ATE1: variants seen among roughly 807,000 people sequenced by gnomAD.
ATE1 encodes the protein arginyl-tRNA--protein transferase 1.
A neutral mutation model predicts 70.5 loss-of-function variants in ATE1; 36 were observed. That is an observed-to-expected ratio of 0.51 (90% CI 0.39 to 0.67). ATE1 has a LOEUF of 0.67. ATE1 is among the 30% of genes least tolerant of loss of function. The pLI, the probability that ATE1 is intolerant of heterozygous loss-of-function variation, is 0.00. For synonymous variants in ATE1, 232 were observed against 219.3 expected (o/e 1.06, Z -0.51); for missense variants, 593 against 629.5 (o/e 0.94, Z 0.62).
chr10:121,764,782 G>A (rs765370587), intron 11 of ATE1, among the ~76,000 whole-genome samples: 5 of 152,174 alleles, frequency 3.3e-5, no homozygotes, highest in Non-Finnish European at 5.9e-5. Context: ...TATGCTACCT[G>A]CACATTTACT....
intron 11 of ATE1, among the ~76,000 whole-genome samples, chr10:121,785,595 G>A (rs1240072865): frequency 6.6e-5 from 10 of 152,142 alleles, no homozygotes; most frequent in African/African-American, 1.9e-4. Context: ...GGGCAGAGTA[G>A]AGAGAGAAGA....
intron 7 of ATE1, among the ~76,000 whole-genome samples, chr10:121,888,663 A>G (rs1337103975): frequency 6.7e-6 from 1 of 149,644 alleles, no homozygotes; most frequent in African/African-American, 2.4e-5. Context: ...CCGTATGTTT[A>G]CCAAAAGGTA....
intron 8 of ATE1, 56 bp downstream of exon 8, chr10:121,869,950 T>C: frequency 1.4e-6 from 2 of 1,465,464 alleles, no homozygotes. Flanking sequence ...ATGAAAGATA[T>C]CAACAATGGT....
At chr10:121,916,574 G>A (rs981063679) in intron 3 of ATE1, among the ~76,000 whole-genome samples, 1 of 152,150 alleles carries the variant, frequency 6.6e-6, no homozygotes, top group African/African-American at 2.4e-5. Context: ...GGTGGCTCAC[G>A]CTTGCAATCC....
At chr10:121,909,547 T>A (rs772121874) in intron 5 of ATE1, among the ~76,000 whole-genome samples, 1 of 151,926 alleles carries the variant, frequency 6.6e-6, no homozygotes, top group African/African-American at 2.4e-5. Flanking sequence ...GAAACAAGAG[T>A]GGCTATGACA....
chr10:121,825,156 TTAAA>T lies in ATE1; in HGVS notation c.1257+11558_1257+11561del, dbSNP rs1947957143. Reference sequence around the variant, plus strand: ...AAATATTAAGTTATATAATAATTTATTAAATAATATAGTTTCCACTAATTCCCAA... The same window carrying T: ...AAATATTAAGTTATATAATAATTTATTAATATAGTTTCCACTAATTCCCAA... On this transcript the variant is annotated intron_variant, in intron 10 of 11. Coordinates refer to ENST00000224652, the MANE Select transcript of ATE1 (RefSeq NM_001001976.3). Among the ~76,000 whole-genome samples, 5 of 151,834 alleles carry T rather than the reference TTAAA, an allele frequency of 3.3e-5. No individual in the cohort carries two copies. The South Asian group carries it at 1.0e-3, about 31-fold the overall frequency.
chr10:121,926,725 C>A (rs1432068067), intron 1 of ATE1: 51 of 985,116 alleles, frequency 5.2e-5, no homozygotes, highest in Non-Finnish European at 6.1e-5. Context: ...TACTCTAAGG[C>A]CATATTACCA....
chr10:121,770,271 C>CACACACACACACACAG (rs1217713182), intron 11 of ATE1, among the ~76,000 whole-genome samples: 1 of 151,102 alleles, frequency 6.6e-6, no homozygotes, highest in African/African-American at 2.4e-5. Flanking sequence ...CACACACACA[C>CACACACACACACACAG]ACAGACATAC....
chr10:121,865,306 G>A (rs1238187666), intron 8 of ATE1, among the ~76,000 whole-genome samples: 1 of 152,084 alleles, frequency 6.6e-6, no homozygotes, highest in African/African-American at 2.4e-5. Flanking sequence ...TTGAAATGAA[G>A]GAACAGAAGG....
At chr10:121,820,964 T>G (rs1355514156) in intron 10 of ATE1, among the ~76,000 whole-genome samples, 1 of 152,164 alleles carries the variant, frequency 6.6e-6, no homozygotes. Context: ...TTTTTTGAGA[T>G]GGAGTCTCGT....
intron 11 of ATE1, among the ~76,000 whole-genome samples, chr10:121,773,296 C>A (rs7919514): frequency 0.97 from 147,008 of 152,328 alleles, 71,120 homozygotes; most frequent in East Asian, 1. Context: ...TGTAGGAGAC[C>A]CTATCATAAA....
At chr10:121,746,512 A>C (rs2135672050) in intron 11 of ATE1, among the ~76,000 whole-genome samples, 1 of 152,358 alleles carries the variant, frequency 6.6e-6, no homozygotes, top group Admixed American at 6.5e-5. Context: ...TTTCCTGAAA[A>C]TAAAAATAGA....
chr10:121,917,660 G>A (rs896251105), intron 3 of ATE1, among the ~76,000 whole-genome samples: 6 of 152,042 alleles, frequency 3.9e-5, no homozygotes, highest in Non-Finnish European at 7.4e-5. Flanking sequence ...AAATGCAAGT[G>A]TTACAATTAT....
chr10:121,914,847 C>G (rs1213692297), intron 3 of ATE1, among the ~76,000 whole-genome samples: 1 of 152,162 alleles, frequency 6.6e-6, no homozygotes, highest in East Asian at 1.9e-4. Context: ...ATCACCAACC[C>G]AGGTCCAGAA....
intron 11 of ATE1, among the ~76,000 whole-genome samples, chr10:121,781,192 T>C (rs1242090102): frequency 6.6e-6 from 1 of 151,766 alleles, no homozygotes; most frequent in African/African-American, 2.4e-5. Context: ...TTTTCTGTAT[T>C]AGATACCTCT....
chr10:121,912,603 G>A (rs565971638), intron 4 of ATE1, among the ~76,000 whole-genome samples: 61 of 151,940 alleles, frequency 4.0e-4, no homozygotes, highest in Middle Eastern at 3.4e-3. Context: ...AGTGAGCCAA[G>A]ATTGAGCCAC....
chr10:121,800,731 A>AT (rs1176917928), intron 10 of ATE1, among the ~76,000 whole-genome samples: 1 of 152,200 alleles, frequency 6.6e-6, no homozygotes, highest in African/African-American at 2.4e-5. Context: ...TAGTATCCCA[A>AT]TTTTCTACAA....
intron 11 of ATE1, among the ~76,000 whole-genome samples, chr10:121,766,189 C>T (rs768982704): frequency 3.9e-5 from 6 of 152,134 alleles, no homozygotes; most frequent in Non-Finnish European, 7.4e-5. Context: ...TTTTACCAGG[C>T]AGTAAATTAA....
At chr10:121,808,344 G>T (rs1947182198) in intron 10 of ATE1, among the ~76,000 whole-genome samples, 1 of 152,162 alleles carries the variant, frequency 6.6e-6, no homozygotes, top group African/African-American at 2.4e-5. Flanking sequence ...AGGAAACAAT[G>T]AAAAGCAGTC....
Sources: allele counts gnomAD v4.1 joint callset (sites outside exome capture counted in the v4.1 genomes callset), GRCh38; gene constraint gnomAD v4.1.1; transcripts MANE v1.5; gene names NCBI Gene and HGNC (gene_info 2026-07-23, HGNC 2026-07-21).